RIMS2: variants seen among roughly 807,000 people sequenced by gnomAD.
RIMS2 encodes regulating synaptic membrane exocytosis protein 2.
A neutral mutation model predicts 174.4 loss-of-function variants in RIMS2; 59 were observed. That is an observed-to-expected ratio of 0.34 (90% confidence interval 0.27 to 0.42). The LOEUF (loss-of-function observed/expected upper bound fraction) is 0.42, where lower values mean the gene tolerates loss of function less well. Among genes scored for constraint, RIMS2 ranks in the 10% least tolerant of loss-of-function variants. The pLI is 1.00. For synonymous variants in RIMS2, 606 were observed against 572.5 expected (o/e 1.06, Z -0.84); for missense variants, 1,620 against 1,666.3 (o/e 0.97, Z 0.48).
chr8:103,948,363 G>GTTC (rs1332778504), intron 14 of RIMS2, among the ~76,000 whole-genome samples: 1 of 152,180 alleles, frequency 6.6e-6, no homozygotes, highest in Non-Finnish European at 1.5e-5. Flanking sequence ...TTCACTGAAA[G>GTTC]ACTTGTACGT....
At chr8:103,612,670 C>T (rs569353613) in intron 1 of RIMS2, among the ~76,000 whole-genome samples, 1 of 152,312 alleles carries the variant, frequency 6.6e-6, no homozygotes, top group East Asian at 1.9e-4. Context: ...CCTCCGCCTA[C>T]TGGGTTCAAG....
chr8:103,622,644 A>G (rs924913769), intron 1 of RIMS2, among the ~76,000 whole-genome samples: 4 of 152,186 alleles, frequency 2.6e-5, no homozygotes, highest in African/African-American at 9.7e-5. Context: ...TCCTCAAGAA[A>G]AGGGATTTGC....
chr8:103,918,469 C>G, exon 9 of RIMS2: 1 of 1,604,730 alleles, frequency 6.2e-7, no homozygotes. Flanking sequence ...TGATAGCACA[C>G]ATGCACAACT....
exon 7 of RIMS2, chr8:103,915,592 C>G: frequency 1.3e-6 from 2 of 1,533,180 alleles, no homozygotes; most frequent in African/African-American, 2.7e-5. Context: ...CATCTTAGAC[C>G]AGGTAGGGTT....
intron 19 of RIMS2, among the ~76,000 whole-genome samples, chr8:104,168,192 T>G (rs1003490616): frequency 2.0e-5 from 3 of 152,126 alleles, no homozygotes; most frequent in Non-Finnish European, 4.4e-5. Context: ...TTTTTCTAGC[T>G]CTGTGAAGAA....
intron 12 of RIMS2, among the ~76,000 whole-genome samples, chr8:103,932,077 G>A (rs1001323723): frequency 6.6e-6 from 1 of 151,894 alleles, no homozygotes; most frequent in Non-Finnish European, 1.5e-5. Flanking sequence ...AAATAAAAGA[G>A]ACTATTCAAT....
At chr8:103,680,529 G>A (rs563818618) in intron 1 of RIMS2, among the ~76,000 whole-genome samples, 1 of 152,110 alleles carries the variant, frequency 6.6e-6, no homozygotes, top group African/African-American at 2.4e-5. Context: ...TACAAATGAT[G>A]AAGGGAGAAA....
intron 19 of RIMS2, among the ~76,000 whole-genome samples, chr8:104,140,075 C>T (rs540736844): frequency 3.4e-4 from 51 of 152,142 alleles, no homozygotes; most frequent in African/African-American, 1.0e-3. Flanking sequence ...GATTGATTTA[C>T]ATATGTTGAA....
At chr8:104,026,521 C>A (rs569927961) in intron 19 of RIMS2, among the ~76,000 whole-genome samples, 1 of 152,082 alleles carries the variant, frequency 6.6e-6, no homozygotes, top group East Asian at 1.9e-4. Context: ...ATTAAAAAGT[C>A]AGATCCCTGA....
intron 1 of RIMS2, among the ~76,000 whole-genome samples, chr8:103,585,389 C>A (rs1037845914): frequency 6.7e-6 from 1 of 149,550 alleles, no homozygotes; most frequent in South Asian, 2.1e-4. Context: ...TGGGTATATA[C>A]CCAAAGGATT....
intron 1 of RIMS2, among the ~76,000 whole-genome samples, chr8:103,608,808 G>A (rs202137971): frequency 4.6e-5 from 7 of 151,992 alleles, no homozygotes; most frequent in Non-Finnish European, 8.8e-5. Context: ...TCCCTGATCC[G>A]TTGCACTTCC....
intron 1 of RIMS2, among the ~76,000 whole-genome samples, chr8:103,545,369 G>A (rs1341060479): frequency 1.3e-5 from 2 of 152,130 alleles, no homozygotes; most frequent in South Asian, 2.1e-4. Flanking sequence ...GAGAAATATG[G>A]GATTATGTAT....
chr8:103,596,572 GTTA>G (rs1218673727), intron 1 of RIMS2, among the ~76,000 whole-genome samples: 6 of 151,938 alleles, frequency 3.9e-5, no homozygotes, highest in Non-Finnish European at 8.8e-5. Context: ...GAAACTATAT[GTTA>G]TTGTTAACTA....
intron 21 of RIMS2, among the ~76,000 whole-genome samples, 179 bp from the exon 28 acceptor site, chr8:104,249,308 T>C (rs1339365116): frequency 6.6e-6 from 1 of 152,184 alleles, no homozygotes; most frequent in Non-Finnish European, 1.5e-5. Context: ...TTAACCATTA[T>C]TTCTCTTTTA....
At chr8:104,236,452 TAATC>T (rs1225472305) in intron 19 of RIMS2, among the ~76,000 whole-genome samples, 4 of 152,072 alleles carry the variant, frequency 2.6e-5, no homozygotes, top group Admixed American at 1.3e-4. Context: ...TTTTGAAACA[TAATC>T]AAACTTAAAA....
intron 19 of RIMS2, among the ~76,000 whole-genome samples, chr8:104,021,840 T>G (rs1028923060): frequency 6.6e-6 from 1 of 152,146 alleles, no homozygotes; most frequent in African/African-American, 2.4e-5. Flanking sequence ...CTCAAACCAG[T>G]CTCCCTGAAG....
At chr8:103,587,301 T>C (rs934400858) in intron 1 of RIMS2, among the ~76,000 whole-genome samples, 2 of 151,916 alleles carry the variant, frequency 1.3e-5, no homozygotes, top group African/African-American at 4.8e-5. Flanking sequence ...ATACCAGTTC[T>C]ACTCAAATTA....
intron 14 of RIMS2, among the ~76,000 whole-genome samples, chr8:103,956,388 G>C (rs946069496): frequency 6.6e-6 from 1 of 152,264 alleles, no homozygotes; most frequent in African/African-American, 2.4e-5. Context: ...GCATGGCACT[G>C]GTACCAAAAC....
intron 4 of RIMS2, among the ~76,000 whole-genome samples, chr8:103,898,686 G>C (rs1206152585): frequency 6.6e-6 from 1 of 151,390 alleles, no homozygotes; most frequent in African/African-American, 2.4e-5. Context: ...GCTTAGGCTT[G>C]ACTTTCCCCA....
Sources: gnomAD v4.1 joint callset for allele counts (sites outside exome capture counted in the v4.1 genomes callset) on GRCh38, gnomAD v4.1.1 for gene constraint, MANE v1.5 for transcripts, NCBI Gene and HGNC (gene_info 2026-07-23, HGNC 2026-07-21) for gene names.